MAGI2: variants seen among roughly 807,000 people sequenced by gnomAD.
The protein encoded by MAGI2 is membrane associated guanylate kinase, WW and PDZ domain containing 2.
In MAGI2, 35 loss-of-function variants were observed where a neutral mutation model predicts 133.3. That is an observed-to-expected ratio of 0.26 (90% CI 0.20 to 0.35). MAGI2 has a LOEUF of 0.35. Ranked by LOEUF, MAGI2 falls within the 10% of genes least tolerant of loss-of-function variation. MAGI2 has a pLI of 1.00. For missense variants in MAGI2, 1,636 were observed against 1,863.4 expected, an observed-to-expected ratio of 0.88 and a Z score of 2.25; for synonymous variants, 729 against 710.6, an observed-to-expected ratio of 1.03 and a Z score of -0.41.
At chr7:78,512,427 A>G (rs1795681477) in intron 4 of MAGI2, among the ~76,000 whole-genome samples, 1 of 152,180 alleles carries the variant, frequency 6.6e-6, no homozygotes, top group Non-Finnish European at 1.5e-5. Context: ...TATTTTTGAG[A>G]CAGAGTCTTG....
chr7:78,333,517 C>A (rs528726791), intron 9 of MAGI2, among the ~76,000 whole-genome samples: 1 of 152,196 alleles, frequency 6.6e-6, no homozygotes, highest in African/African-American at 2.4e-5. Context: ...CTGATTAGAT[C>A]ATTTGGTTTT....
intron 10 of MAGI2, among the ~76,000 whole-genome samples, chr7:78,210,260 A>G (rs1164620172): frequency 1.3e-5 from 2 of 152,194 alleles, no homozygotes; most frequent in African/African-American, 4.8e-5. Context: ...CACAGTGGAT[A>G]CTTCAGTAGA....
intron 4 of MAGI2, among the ~76,000 whole-genome samples, chr7:78,512,710 G>A (rs764787792): frequency 2.2e-4 from 33 of 152,094 alleles, no homozygotes; most frequent in Non-Finnish European, 4.3e-4. Flanking sequence ...TTCTATTCAG[G>A]GTCTAGCCAG....
chr7:78,257,286 A>T (rs1286622009), intron 9 of MAGI2, among the ~76,000 whole-genome samples: 1 of 152,246 alleles, frequency 6.6e-6, no homozygotes, highest in Non-Finnish European at 1.5e-5. Flanking sequence ...TAGGAAAAGT[A>T]CTTGGCATAG....
chr7:78,821,782 T>A (rs1365806704), intron 2 of MAGI2, among the ~76,000 whole-genome samples: 1 of 152,006 alleles, frequency 6.6e-6, no homozygotes, highest in Non-Finnish European at 1.5e-5. Flanking sequence ...ATCAAATATA[T>A]CCCAGGTGTG....
intron 6 of MAGI2, among the ~76,000 whole-genome samples, chr7:78,481,281 C>G (rs971951577): frequency 1.3e-5 from 2 of 151,922 alleles, no homozygotes; most frequent in African/African-American, 4.8e-5. Context: ...GAAGGGGAAG[C>G]AGACACATCT....
intron 2 of MAGI2, among the ~76,000 whole-genome samples, chr7:78,656,954 TA>T (rs1195930935): frequency 7.0e-6 from 1 of 142,690 alleles, no homozygotes; most frequent in African/African-American, 2.6e-5. Context: ...AAAGAACTCT[TA>T]AAACTCAACA....
intron 2 of MAGI2, among the ~76,000 whole-genome samples, chr7:78,676,918 C>A (rs923417441): frequency 6.6e-6 from 1 of 151,974 alleles, no homozygotes; most frequent in Non-Finnish European, 1.5e-5. Context: ...TCCCTTGATT[C>A]AAAATTTTAT....
chr7:78,197,548 A>G (rs148737451), intron 11 of MAGI2, among the ~76,000 whole-genome samples: 1 of 152,336 alleles, frequency 6.6e-6, no homozygotes, highest in South Asian at 2.1e-4. Flanking sequence ...TCTTAAAACT[A>G]CAGAACAAGT....
intron 1 of MAGI2, among the ~76,000 whole-genome samples, chr7:79,282,486 A>G (rs1001943561): frequency 6.6e-6 from 1 of 152,178 alleles, no homozygotes; most frequent in African/African-American, 2.4e-5. Flanking sequence ...AAAAAGTTAG[A>G]GAGTTAATGA....
At chr7:78,199,464 A>C (rs1407431173) in intron 11 of MAGI2, among the ~76,000 whole-genome samples, 1 of 152,200 alleles carries the variant, frequency 6.6e-6, no homozygotes, top group Non-Finnish European at 1.5e-5. Flanking sequence ...CACAATAACC[A>C]TGTGAGAGGG....
intron 13 of MAGI2, chr7:78,184,582 A>G (rs1563229956): frequency 6.6e-6 from 1 of 152,216 alleles, no homozygotes; most frequent in East Asian, 1.9e-4. Flanking sequence ...TATTTTCCGC[A>G]ATTGTTTGAG....
At chr7:78,102,097 C>T (rs1818260398) in intron 20 of MAGI2, among the ~76,000 whole-genome samples, 1 of 152,020 alleles carries the variant, frequency 6.6e-6, no homozygotes. Context: ...GTGAAATAAG[C>T]CAGACACAGA....
intron 2 of MAGI2, among the ~76,000 whole-genome samples, chr7:78,802,329 G>C (rs1788138245): frequency 6.6e-6 from 1 of 151,924 alleles, no homozygotes; most frequent in African/African-American, 2.4e-5. Context: ...TAATCTCCTT[G>C]AGGGCAAGAG....
chr7:78,596,785 C>T (rs1804653056), intron 3 of MAGI2, among the ~76,000 whole-genome samples: 1 of 152,164 alleles, frequency 6.6e-6, no homozygotes, highest in Admixed American at 6.5e-5. Flanking sequence ...TGATTGTCAT[C>T]CAAATGTCAT....
intron 2 of MAGI2, among the ~76,000 whole-genome samples, chr7:78,883,029 T>C (rs975901388): frequency 4.6e-5 from 7 of 152,026 alleles, no homozygotes; most frequent in African/African-American, 1.7e-4. Context: ...GACAAAGAAA[T>C]AAAAGCCATC....
At chr7:79,327,152 G>A (rs1020197009) in intron 1 of MAGI2, among the ~76,000 whole-genome samples, 1 of 152,124 alleles carries the variant, frequency 6.6e-6, no homozygotes, top group African/African-American at 2.4e-5. Flanking sequence ...CTGCTGACCA[G>A]CTGAAGGCCT....
At chr7:78,547,128 A>G (rs1308013628) in intron 3 of MAGI2, among the ~76,000 whole-genome samples, 1 of 152,162 alleles carries the variant, frequency 6.6e-6, no homozygotes, top group Non-Finnish European at 1.5e-5. Context: ...GAAGAGATTA[A>G]CTCCCATGAC....
intron 10 of MAGI2, chr7:78,255,077 A>G (rs1792826315): frequency 6.6e-6 from 1 of 152,244 alleles, no homozygotes; most frequent in Non-Finnish European, 1.5e-5. Flanking sequence ...TCGAGATAGT[A>G]TCCTCTTTAT....
Sources: gnomAD v4.1 joint callset for allele counts (sites outside exome capture counted in the v4.1 genomes callset) on GRCh38, gnomAD v4.1.1 for gene constraint, MANE v1.5 for transcripts, NCBI Gene and HGNC (gene_info 2026-07-23, HGNC 2026-07-21) for gene names.